AMOTL1: variants seen among roughly 807,000 people sequenced by gnomAD.
AMOTL1 encodes the protein angiomotin like 1.
In AMOTL1, 45 loss-of-function variants were observed where a neutral mutation model predicts 102.9. The ratio of observed to expected loss-of-function variants is 0.44; its 90% CI spans 0.34 to 0.56. AMOTL1 has a LOEUF of 0.56. AMOTL1 is among the 20% of genes least tolerant of loss of function. The pLI, the probability that AMOTL1 is intolerant of heterozygous loss-of-function variation, is 0.01. For missense variants in AMOTL1, 1,114 were observed against 1,225.6 expected (o/e 0.91, Z 1.36); for synonymous variants, 481 against 484.7 (o/e 0.99, Z 0.10).
In AMOTL1 at chr11:94,779,171, A is replaced by G. The variant is rs184427859; in HGVS notation, c.49+10611A>G. Among the ~76,000 whole-genome samples, 738 of 152,286 alleles carry G rather than the reference A, an allele frequency of 4.8e-3. 20 individuals carry two copies. Among genetic ancestry groups the G allele is most frequent in the Non-Finnish European group, 1.1e-3 (74 of 68,028 alleles). ...GTTATCATTAGATAAAGTATGAAAA[A>G]CGTAGCCCACAATAAGTCTTTAACT... On this transcript the variant is annotated intron_variant, in intron 1 of 12. Coordinates refer to ENST00000433060, the MANE Select transcript of AMOTL1 (RefSeq NM_130847.3).
chr11:94,718,149 A>C (rs540835466), intron 1 of AMOTL1, among the ~76,000 whole-genome samples: 1 of 152,064 alleles, frequency 6.6e-6, no homozygotes, highest in African/African-American at 2.4e-5. Context: ...TATGTGATTA[A>C]AAGTGTACAT....
intron 12 of AMOTL1, 61 bp from the exon 13 acceptor site, chr11:94,870,627 AC>A: frequency 1.5e-6 from 2 of 1,358,032 alleles, no homozygotes; most frequent in Non-Finnish European, 2.0e-6. Context: ...ATTTTAGAGA[AC>A]CTGGAAAGCC....
At chr11:94,737,457 ACTCT>A (rs1396998684) in intron 2 of AMOTL1, among the ~76,000 whole-genome samples, 1 of 151,772 alleles carries the variant, frequency 6.6e-6, no homozygotes, top group East Asian at 1.9e-4. Context: ...ACAGTGTGAC[ACTCT>A]CTCTCCTAGG....
Position 94,775,910 on chromosome 11 carries a change from A to G in AMOTL1, c.49+7350A>G, listed in dbSNP as rs1481888968. On this transcript the variant is annotated intron_variant, in intron 1 of 12. Transcript: ENST00000433060. ...CATTCCATTTGAAAGCTGGGTCAGC[A>G]TGGCAACTGGGTTATGCTGGCGGCA... 5.3e-5 allele frequency among the ~76,000 whole-genome samples: 8 copies of G among 152,338 alleles called. No homozygotes were observed. The East Asian group carries it at 1.3e-3, about 26-fold the overall frequency.
intron 2 of AMOTL1, chr11:94,729,104 G>A (rs950494589): frequency 2.4e-6 from 3 of 1,231,596 alleles, no homozygotes; most frequent in South Asian, 1.3e-5. Flanking sequence ...TTCAGCTTCT[G>A]CACCTCATTA....
intron 1 of AMOTL1, among the ~76,000 whole-genome samples, chr11:94,723,341 T>A (rs1384608175): frequency 1.3e-5 from 2 of 152,118 alleles, no homozygotes; most frequent in Non-Finnish European, 2.9e-5. Context: ...TAGGGTTTCA[T>A]GGTAGAGGAG....
intron 3 of AMOTL1, among the ~76,000 whole-genome samples, chr11:94,761,098 C>A (rs1232311392): frequency 9.9e-5 from 15 of 151,416 alleles, no homozygotes; most frequent in Admixed American, 9.9e-4. Flanking sequence ...AATGAATGAA[C>A]CATTATAGTT....
intron 1 of AMOTL1, among the ~76,000 whole-genome samples, chr11:94,769,756 C>G (rs1289887931): frequency 6.6e-6 from 1 of 152,132 alleles, no homozygotes; most frequent in African/African-American, 2.4e-5. Flanking sequence ...ATTTTGTCCC[C>G]ATGGTCCCTC....
At chr11:94,810,855 C>T (rs921652876) in intron 3 of AMOTL1, among the ~76,000 whole-genome samples, 4 of 151,672 alleles carry the variant, frequency 2.6e-5, no homozygotes, top group Non-Finnish European at 4.4e-5. Context: ...CACACACACA[C>T]ACACACACAC....
chr11:94,833,681 A>G (rs1293910302), intron 6 of AMOTL1, among the ~76,000 whole-genome samples: 1 of 152,200 alleles, frequency 6.6e-6, no homozygotes, highest in Non-Finnish European at 1.5e-5. Flanking sequence ...CAGAGGAGAA[A>G]TTCATGAGGG....
chr11:94,729,271 T>C (rs932822865), intron 2 of AMOTL1, among the ~76,000 whole-genome samples: 12 of 152,276 alleles, frequency 7.9e-5, no homozygotes, highest in Admixed American at 6.5e-4. Context: ...AAATCTGTCA[T>C]TCCCTGGGCT....
At chr11:94,863,548 C>T (rs756692471) in intron 9 of AMOTL1, among the ~76,000 whole-genome samples, 3 of 151,860 alleles carry the variant, frequency 2.0e-5, no homozygotes, top group Non-Finnish European at 4.4e-5. Context: ...GCTGAGATCA[C>T]GCCACTGCAC....
rs11020935 is a variant in AMOTL1, at chr11:94,757,707, C to T, written c.136+16719C>T. 3.1e-3 allele frequency among the ~76,000 whole-genome samples: 478 copies of T among 152,202 alleles called. 2 individuals carry two copies. The highest frequency in any genetic ancestry group is 4.4e-3 in the Non-Finnish European group (298 of 68,002). On this transcript the variant is annotated intron_variant, in intron 3 of 4. Coordinates refer to the AMOTL1 transcript ENST00000299004. ...GGCAGGCCTCAGAGTGCTTTCCAGTCGGGAAGTAAGGTCTGGAGTCAAGAA... is the reference window on the plus strand; with the variant it reads ...GGCAGGCCTCAGAGTGCTTTCCAGTTGGGAAGTAAGGTCTGGAGTCAAGAA...
intron 6 of AMOTL1, among the ~76,000 whole-genome samples, chr11:94,847,138 C>T (rs911938696): frequency 3.3e-5 from 5 of 152,180 alleles, no homozygotes; most frequent in Non-Finnish European, 5.9e-5. Context: ...CAAAACACCC[C>T]AGAAACGAAT....
intron 3 of AMOTL1, among the ~76,000 whole-genome samples, chr11:94,809,779 T>C (rs1951638674): frequency 6.6e-6 from 1 of 152,240 alleles, no homozygotes; most frequent in Admixed American, 6.5e-5. Flanking sequence ...TCACGAATAC[T>C]TTTAAAACTA....
chr11:94,751,443 C>T (rs1029121578), intron 3 of AMOTL1, among the ~76,000 whole-genome samples: 2 of 152,028 alleles, frequency 1.3e-5, no homozygotes, highest in Admixed American at 6.6e-5. Context: ...CTAAAAGAAA[C>T]GAAACCTTTG....
intron 2 of AMOTL1, among the ~76,000 whole-genome samples, chr11:94,730,486 C>T (rs1950331138): frequency 6.6e-6 from 1 of 152,202 alleles, no homozygotes; most frequent in South Asian, 2.1e-4. Flanking sequence ...CTCCTCAGTG[C>T]TGCCATAGCC....
At chr11:94,796,848 C>A (rs1300457091) in intron 2 of AMOTL1, 2 of 334,356 alleles carry the variant, frequency 6.0e-6, no homozygotes, top group East Asian at 1.7e-4. Context: ...CAGTTATGAA[C>A]CTTCTAATGG....
At chr11:94,860,527 T>TC (rs1565385485) in intron 9 of AMOTL1, among the ~76,000 whole-genome samples, 1 of 152,198 alleles carries the variant, frequency 6.6e-6, no homozygotes. Flanking sequence ...AGCAAGGCAC[T>TC]CTTGACCTTT....
Sources: gnomAD v4.1 joint callset for allele counts (sites outside exome capture counted in the v4.1 genomes callset) on GRCh38, gnomAD v4.1.1 for gene constraint, MANE v1.5 for transcripts, NCBI Gene and HGNC (gene_info 2026-07-23, HGNC 2026-07-21) for gene names.